The following ATP2B3 variants were observed in gnomAD, a reference collection of about 807,000 sequenced individuals.
ATP2B3 encodes the protein plasma membrane calcium-transporting ATPase 3.
In ATP2B3, 12 loss-of-function variants were observed where a neutral mutation model predicts 70.8. That is an observed-to-expected ratio of 0.17 (90% confidence interval 0.11 to 0.27). The LOEUF (loss-of-function observed/expected upper bound fraction) is 0.27, where lower values mean the gene tolerates loss of function less well. Among genes scored for constraint, ATP2B3 ranks in the 10% least tolerant of loss-of-function variants. ATP2B3 has a pLI of 1.00. For synonymous variants in ATP2B3, 460 were observed against 497.8 expected (o/e 0.92, Z 1.01); for missense variants, 858 against 1,118.5 (o/e 0.77, Z 3.32).
intron 2 of ATP2B3, among the ~76,000 whole-genome samples, chrX:153,530,031 G>A (rs1418316762): frequency 8.9e-6 from 1 of 112,752 alleles, no homozygotes; most frequent in Admixed American, 9.3e-5. Flanking sequence ...AACTTGAGTG[G>A]ACAAATACGT....
At chrX:153,533,497 G>A (rs782579465) in intron 2 of ATP2B3, among the ~76,000 whole-genome samples, 1 of 110,924 alleles carries the variant, frequency 9.0e-6, no homozygotes, top group Admixed American at 9.5e-5. Flanking sequence ...TGCTTGATGG[G>A]GATGGGAGAC....
At chrX:153,548,037 C>T (rs2090396675) in intron 9 of ATP2B3, 38 bp downstream of exon 9, 1 of 1,173,474 alleles carries the variant, frequency 8.5e-7, no homozygotes, top group Non-Finnish European at 1.1e-6. Flanking sequence ...AGGCCATTGA[C>T]TGGGCGTGGA....
rs370276415 is a variant in ATP2B3 at position 153,543,122 on chromosome X, G to C, written c.870G>C (p.Thr290=). The C allele has an allele frequency of 8.3e-7, 1 of 1,211,712 alleles. No homozygotes were observed. The highest frequency in any genetic ancestry group is 1.1e-6 in the Non-Finnish European group (1 of 895,401). ...GVNSQTGIIF[T]LLGAGGEEEE... ...ATTCCCAGACAGGCATCATCTTCAC[G>C]CTGCTTGGAGCTGGCGGAGAGGAGG... is the stretch of plus-strand genomic sequence containing the variant. The change falls in exon 7 of 22, where the codon ACG becomes ACC. Residue 290 remains threonine (T), a synonymous_variant. Transcript: ENST00000263519.
At chrX:153,576,692 T>G (rs1174253195) in intron 21 of ATP2B3, among the ~76,000 whole-genome samples, 2 of 111,171 alleles carry the variant, frequency 1.8e-5, no homozygotes, top group Admixed American at 9.5e-5. Flanking sequence ...TTGGGAGCAG[T>G]AGGGGGCGTG....
intron 18 of ATP2B3, 138 bp downstream of exon 18, chrX:153,560,080 C>A: frequency 1.5e-6 from 1 of 670,325 alleles, no homozygotes; most frequent in Non-Finnish European, 2.2e-6. Flanking sequence ...GACTGGACAG[C>A]ACACAGGGGA....
chrX:153,565,523 G>A (rs190726582), intron 21 of ATP2B3, among the ~76,000 whole-genome samples: 2 of 112,669 alleles, frequency 1.8e-5, no homozygotes, highest in East Asian at 5.6e-4. Context: ...AAGGTTCACT[G>A]GTTGACACTG....
chrX:153,531,167 C>G (rs1326389955), intron 2 of ATP2B3, among the ~76,000 whole-genome samples: 1 of 112,886 alleles, frequency 8.9e-6, no homozygotes, highest in African/African-American at 3.2e-5. Flanking sequence ...CCCAGGTGCA[C>G]ACCAGCCACC....
chrX:153,549,048 G>C (rs1466993686), intron 10 of ATP2B3, among the ~76,000 whole-genome samples, 194 bp downstream of exon 10: 1 of 109,511 alleles, frequency 9.1e-6, no homozygotes, highest in East Asian at 2.8e-4. Context: ...AGATGGGCCA[G>C]AAAGCAGGCA....
Position 153,541,446 on chromosome X carries a change from T to A in ATP2B3, c.296T>A (p.Leu99Gln). 8.3e-7 allele frequency: 1 copy of A among 1,211,978 alleles called. No individual in the cohort carries two copies. The highest frequency in any genetic ancestry group is 1.1e-6 in the Non-Finnish European group (1 of 895,565). ...FIPPKQPKTFLQLVWEALQDV... is the reference protein window; with the variant it reads ...FIPPKQPKTFQQLVWEALQDV... ...CCCCCAAAGCAACCCAAGACCTTCC[T>A]GCAGCTGGTGTGGGAGGCCCTGCAG... The change falls in exon 4 of 22, where the codon CTG (leucine) becomes CAG (glutamine). Residue 99 changes from leucine to glutamine, a missense_variant. Physicochemically the swap from Leu to Gln is moderately radical, Grantham distance 113 (BLOSUM62 -2). Around this residue, in one of 5 missense-constraint regions of ATP2B3, gnomAD observed 278 missense variants for 366.2 expected, o/e 0.76. Coordinates refer to ENST00000263519, the MANE Select transcript of ATP2B3 (RefSeq NM_001001344.3).
chrX:153,518,241 A>G (rs1397604922), intron 1 of ATP2B3, among the ~76,000 whole-genome samples, 191 bp from the exon 2 acceptor site: 2 of 112,624 alleles, frequency 1.8e-5, no homozygotes, highest in Admixed American at 1.8e-4. Flanking sequence ...GCCAGTGCGC[A>G]CGCACCTTCC....
Position 153,536,178 on chromosome X carries a change from C to T in ATP2B3, c.-70C>T. On this transcript the variant is annotated 5_prime_UTR_variant, in exon 3 of 22. Coordinates refer to ENST00000263519, the MANE Select transcript of ATP2B3 (RefSeq NM_001001344.3). ...CCAAACCTTGCCTGGGCACTGGGAC[C>T]GTGGGTGGCCGCCTGTCCCTAGCTG... 8.9e-7 allele frequency: 1 copy of T among 1,122,376 alleles called. No individual in the cohort carries two copies. Among genetic ancestry groups the T allele is most frequent in the Non-Finnish European group, 1.2e-6 (1 of 831,851 alleles). The allele number at this position is 1,122,376 out of a possible 1,213,427, so 92.5% of individuals were successfully genotyped here. A position where few individuals can be genotyped will look rare whatever the true frequency, so the allele number is the denominator to read the frequency against.
At chrX:153,530,250 G>A (rs1449811703) in intron 2 of ATP2B3, among the ~76,000 whole-genome samples, 3 of 112,329 alleles carry the variant, frequency 2.7e-5, no homozygotes, top group African/African-American at 9.7e-5. Context: ...ATCCCCCAGG[G>A]GTTGGGGTGC....
At chrX:153,576,657 C>G (rs782004613) in intron 21 of ATP2B3, among the ~76,000 whole-genome samples, 1 of 111,890 alleles carries the variant, frequency 8.9e-6, no homozygotes, top group East Asian at 2.8e-4. Context: ...ACAGCATTGA[C>G]AGCCCTGGGG....
chrX:153,526,885 C>G (rs1261689146), intron 2 of ATP2B3, among the ~76,000 whole-genome samples: 1 of 112,239 alleles, frequency 8.9e-6, no homozygotes, highest in Non-Finnish European at 1.9e-5. Context: ...GCCTGTACTC[C>G]CAAGGACTTT....
chrX:153,526,021 C>A (rs1207543663), intron 2 of ATP2B3, among the ~76,000 whole-genome samples: 1 of 113,113 alleles, frequency 8.8e-6, no homozygotes, highest in Non-Finnish European at 1.9e-5. Flanking sequence ...GCCCTCTGCG[C>A]CCCATCCACC....
chrX:153,566,874 G>A (rs1482654824), intron 21 of ATP2B3, among the ~76,000 whole-genome samples: 2 of 111,781 alleles, frequency 1.8e-5, no homozygotes, highest in Non-Finnish European at 3.8e-5. Context: ...CGGGCTCCTT[G>A]CAAAACTTTC....
chrX:153,534,879 C>T (rs1410166769), intron 2 of ATP2B3, among the ~76,000 whole-genome samples: 2 of 113,256 alleles, frequency 1.8e-5, no homozygotes, highest in East Asian at 2.8e-4. Context: ...TGGACTTGGC[C>T]GTGTCTGCTT....
intron 1 of ATP2B3, among the ~76,000 whole-genome samples, 103 bp from the exon 2 acceptor site, chrX:153,518,329 C>T (rs1274899846): frequency 8.9e-6 from 1 of 112,547 alleles, no homozygotes; most frequent in African/African-American, 3.2e-5. Context: ...GCACCGTTCC[C>T]CGCACGCCCA....
chrX:153,556,341 A>T lies in ATP2B3; in HGVS notation c.2249A>T (p.Glu750Val), dbSNP rs1557013548. ...IRNEKGEIEQ[E>V]RLDKVWPKLR... ...GCTTCCCCTCCCCAGATAGAACAGG[A>T]GCGGCTGGACAAGGTGTGGCCCAAG... Residue 750 changes from glutamate to valine, a missense_variant, in exon 15 of 22, where the codon GAG (glutamate) becomes GTG (valine). This residue lies in a region of ATP2B3 where 242 missense variants were observed against 281.3 expected (regional missense o/e 0.86). Coordinates refer to ENST00000263519, the MANE Select transcript of ATP2B3 (RefSeq NM_001001344.3). The T allele has an allele frequency of 8.3e-7, 1 of 1,206,688 alleles. No individual in the cohort carries two copies. The highest frequency in any genetic ancestry group is 1.1e-6 in the Non-Finnish European group (1 of 893,614).
Sources: gnomAD v4.1 joint callset for allele counts (sites outside exome capture counted in the v4.1 genomes callset) on GRCh38, gnomAD v4.1.1 for gene constraint, gnomAD v4.1.1 regional missense constraint, MANE v1.5 for transcripts, NCBI Gene and HGNC (gene_info 2026-07-23, HGNC 2026-07-21) for gene names.